ZNF106: variants seen among roughly 807,000 people sequenced by gnomAD.
ZNF106 encodes the protein zinc finger protein 106, also known as SH3-domain binding protein 3.
In ZNF106, 67 loss-of-function variants were observed where a neutral mutation model predicts 195.1. The ratio of observed to expected loss-of-function variants is 0.34; its 90% CI spans 0.28 to 0.42. The LOEUF is 0.42. ZNF106 is among the 10% of genes least tolerant of loss of function. The probability of loss-of-function intolerance (pLI) is 1.00; values close to 1 mark genes in which losing one functional copy is unlikely to be tolerated. For synonymous variants in ZNF106, 784 were observed against 818.6 expected (o/e 0.96, Z 0.72); for missense variants, 2,118 against 2,304.5 (o/e 0.92, Z 1.66).
intron 4 of ZNF106, 87 bp from the exon 5 acceptor site, chr15:42,452,041 T>C (rs2056052774): frequency 7.1e-7 from 1 of 1,405,200 alleles, no homozygotes; most frequent in South Asian, 1.4e-5. Context: ...TCCCTTGTAC[T>C]TTCCTCCCGT....
chr15:42,455,779 A>G (rs1368948993), intron 4 of ZNF106, among the ~76,000 whole-genome samples: 1 of 152,210 alleles, frequency 6.6e-6, no homozygotes, highest in Non-Finnish European at 1.5e-5. Flanking sequence ...CTAGTATTCA[A>G]AGAAGAATCT....
chr15:42,447,443 T>C (rs761876221), intron 6 of ZNF106, among the ~76,000 whole-genome samples: 39 of 152,156 alleles, frequency 2.6e-4, no homozygotes, highest in Non-Finnish European at 4.7e-4. Flanking sequence ...ACTGTATCAC[T>C]ACCAGCAACT....
chr15:42,423,361 C>T (rs1235657348), intron 17 of ZNF106, among the ~76,000 whole-genome samples: 1 of 151,228 alleles, frequency 6.6e-6, no homozygotes, highest in South Asian at 2.1e-4. Flanking sequence ...CAAAGTGAGA[C>T]CCCTATCTCA....
Position 42,417,289 on chromosome 15 carries a change from G to A in ZNF106, c.*15C>T, listed in dbSNP as rs373935406. The stretch of plus-strand genomic sequence containing the variant: ...AGTTCAACTAATGACTTCCCAACGT[G>A]GGAGGCAAAAAACTTCATGAATCAA... On this transcript the variant is annotated 3_prime_UTR_variant, in exon 22 of 22. Coordinates refer to ENST00000564754, the MANE Select transcript of ZNF106 (RefSeq NM_001366845.3). The A allele has an allele frequency of 1.2e-5, 20 of 1,613,714 alleles. No homozygotes were observed. The African/African-American group carries it at 2.1e-4, about 17-fold the overall frequency.
rs764949391 is a variant in ZNF106, at chr15:42,457,164, G to A, written c.117-6C>T. On this transcript the variant is annotated splice_polypyrimidine_tract_variant and splice_region_variant and intron_variant, in intron 3 of 21. Transcript: ENST00000564754. ...GGCACTCATGACTAATGTCCCTAGGGAAAGAGGGAGATGAGGGACATTCAA... is the reference window on the plus strand; with the variant it reads ...GGCACTCATGACTAATGTCCCTAGGAAAAGAGGGAGATGAGGGACATTCAA... 1.2e-6 allele frequency: 2 copies of A among 1,614,038 alleles called. No individual in the cohort carries two copies. Among genetic ancestry groups the A allele is most frequent in the African/African-American group, 1.3e-5 (1 of 74,908 alleles).
At chr15:42,482,713 T>C (rs567952349) in intron 1 of ZNF106, among the ~76,000 whole-genome samples, 285 of 152,122 alleles carry the variant, frequency 1.9e-3, no homozygotes, top group Admixed American at 3.5e-3. Context: ...GTATTTTTAG[T>C]AGAGACGGGG....
chr15:42,464,638 C>T (rs1431988423), intron 3 of ZNF106, among the ~76,000 whole-genome samples: 1 of 151,408 alleles, frequency 6.6e-6, no homozygotes, highest in Non-Finnish European at 1.5e-5. Flanking sequence ...AGCATCCTCC[C>T]ACCTCAGGCT....
chr15:42,460,687 C>A (rs1399129086), intron 3 of ZNF106, among the ~76,000 whole-genome samples: 1 of 152,182 alleles, frequency 6.6e-6, no homozygotes, highest in East Asian at 1.9e-4. Context: ...ACGGAGAAAC[C>A]CCGTTTCTAC....
At chr15:42,438,524 T>A in intron 12 of ZNF106, 88 bp downstream of exon 12, 1 of 1,167,228 alleles carries the variant, frequency 8.6e-7, no homozygotes, top group Non-Finnish European at 1.2e-6. Flanking sequence ...ATTCTATAAA[T>A]ATATTTAAGT....
chr15:42,423,844 C>A (rs1026181805), intron 17 of ZNF106, among the ~76,000 whole-genome samples, 154 bp downstream of exon 17: 1 of 152,212 alleles, frequency 6.6e-6, no homozygotes, highest in Non-Finnish European at 1.5e-5. Context: ...TTCTAAATTA[C>A]ACAATATTAT....
intron 15 of ZNF106, chr15:42,427,657 T>C (rs886833013): frequency 1.1e-5 from 2 of 186,348 alleles, no homozygotes; most frequent in African/African-American, 2.3e-5. Context: ...ATCTTCTCTG[T>C]ATCATTCCAA....
intron 14 of ZNF106, among the ~76,000 whole-genome samples, chr15:42,433,542 G>T (rs2055146406): frequency 6.7e-6 from 1 of 149,604 alleles, no homozygotes; most frequent in African/African-American, 2.5e-5. Flanking sequence ...GAGTGCAGTG[G>T]CATGATCTTG....
At chr15:42,428,871 C>A (rs1027670658) in intron 14 of ZNF106, among the ~76,000 whole-genome samples, 2 of 152,076 alleles carry the variant, frequency 1.3e-5, no homozygotes, top group Non-Finnish European at 1.5e-5. Flanking sequence ...TCACACCATT[C>A]TCCTGCCTCA....
Position 42,491,073 on chromosome 15 carries a change from G to C in ZNF106, c.-126C>G, listed in dbSNP as rs1002502920. On this transcript the variant is annotated 5_prime_UTR_variant, in exon 1 of 22. Coordinates refer to ENST00000564754, the MANE Select transcript of ZNF106 (RefSeq NM_001366845.3). ...AGACGCCCCCTTCAGTTTTGGGTCC[G>C]GGAGCCTGCTCCGGACCCGCTCCCC... 2.0e-5 allele frequency: 3 copies of C among 152,072 alleles called. No homozygotes were observed. Among genetic ancestry groups the C allele is most frequent in the African/African-American group, 7.2e-5 (3 of 41,382 alleles). 9.4% of individuals were successfully genotyped at this position (152,072 alleles called of 1,614,324 possible).
intron 3 of ZNF106, among the ~76,000 whole-genome samples, chr15:42,464,444 C>T (rs1030772425): frequency 6.6e-6 from 1 of 151,552 alleles, no homozygotes; most frequent in Non-Finnish European, 1.5e-5. Flanking sequence ...ATCTTGTTTC[C>T]AAACTTCAAA....
At chr15:42,453,307 T>C (rs2056113760) in intron 4 of ZNF106, among the ~76,000 whole-genome samples, 1 of 152,198 alleles carries the variant, frequency 6.6e-6, no homozygotes, top group South Asian at 2.1e-4. Flanking sequence ...AGGAGCTTCA[T>C]GAGCCAGAGG....
At chr15:42,456,856 C>CCT (rs2056242204) in intron 4 of ZNF106, 102 bp downstream of exon 4, 2 of 1,090,674 alleles carry the variant, frequency 1.8e-6, no homozygotes, top group Admixed American at 2.6e-5. Flanking sequence ...AAACTTTATA[C>CCT]CTAAGTTTAA....
At chr15:42,445,631 T>G (rs1019228102) in intron 7 of ZNF106, among the ~76,000 whole-genome samples, 5 of 152,212 alleles carry the variant, frequency 3.3e-5, no homozygotes, top group Non-Finnish European at 7.4e-5. Flanking sequence ...AAAGGTCCTT[T>G]AAGTCAAAGA....
At chr15:42,425,101 A>G (rs1022303798) in intron 15 of ZNF106, 76 bp from the exon 16 acceptor site, 102 of 1,425,766 alleles carry the variant, frequency 7.2e-5, no homozygotes, top group Admixed American at 7.1e-5. Flanking sequence ...TTACCTTGGT[A>G]CAAACTCATT....
Sources: allele counts gnomAD v4.1 joint callset (sites outside exome capture counted in the v4.1 genomes callset), GRCh38; gene constraint gnomAD v4.1.1; transcripts MANE v1.5; gene names NCBI Gene and HGNC (gene_info 2026-07-23, HGNC 2026-07-21).